POLR2I: variants seen among roughly 807,000 people sequenced by gnomAD.
POLR2I encodes RNA polymerase II subunit I, also known as DNA-directed RNA polymerase II subunit RPB9.
POLR2I carries 15 observed loss-of-function variants against 23.0 expected under a neutral mutation model. The observed-to-expected ratio is 0.65, with a 90% CI of 0.44 to 1.00. POLR2I has a LOEUF of 1.00. POLR2I is among the 50% of genes least tolerant of loss of function. The pLI is 0.00. For synonymous variants in POLR2I, 72 were observed against 65.4 expected, an observed-to-expected ratio of 1.10 and a Z score of -0.49; for missense variants, 120 against 173.7, an observed-to-expected ratio of 0.69 and a Z score of 1.74.
At position 36,114,869 on chromosome 19, in the gene POLR2I, C is replaced by G. The variant is rs528053425; in HGVS notation, c.-13G>C. ...CGTCGGGCTCCATGGCGACGCGCAG[C>G]CCGCGCAGCCCTCCCAGCCTTCCGC... On this transcript the variant is annotated 5_prime_UTR_variant, in exon 1 of 6. Coordinates refer to ENST00000221859, the MANE Select transcript of POLR2I (RefSeq NM_006233.5). This position sits in a 1 kb window ranked among gnomAD's most constrained non-coding sequence, Gnocchi z 4.5. 3 of 1,612,342 alleles carry G rather than the reference C, an allele frequency of 1.9e-6. No homozygotes were observed. The highest frequency in any genetic ancestry group is 1.7e-5 in the Admixed American group (1 of 59,998).
In POLR2I at chr19:36,114,426, A is replaced by C; in HGVS notation, c.115-14T>G. 6.2e-7 allele frequency: 1 copy of C among 1,612,270 alleles called. No individual in the cohort carries two copies. The highest frequency in any genetic ancestry group is 8.5e-7 in the Non-Finnish European group (1 of 1,178,648). ...ACAGTTCCGGCACTACGAGAGGGCG[A>C]GTGTGGGGGAAAGGGGGTCACGGAA... On this transcript the variant is annotated splice_polypyrimidine_tract_variant and intron_variant, in intron 2 of 5. Transcript: ENST00000221859. This position sits in a 1 kb window ranked among gnomAD's most constrained non-coding sequence, Gnocchi z 4.5.
In POLR2I at chr19:36,114,771, T is replaced by C; in HGVS notation, c.59+27A>G. The C allele has an allele frequency of 3.7e-6, 6 of 1,614,102 alleles. No individual in the cohort carries two copies. The highest frequency in any genetic ancestry group is 5.1e-6 in the Non-Finnish European group (6 of 1,179,924). Reference sequence around the variant, plus strand: ...CTGGAGCCATTCCTCGCCCGCCTTCTAACATCACCCGCTCCCTCCGCCTCA... The same window carrying C: ...CTGGAGCCATTCCTCGCCCGCCTTCCAACATCACCCGCTCCCTCCGCCTCA... On this transcript the variant is annotated intron_variant, in intron 1 of 5. Transcript: ENST00000221859. This position sits in a 1 kb window ranked among gnomAD's most constrained non-coding sequence, Gnocchi z 4.5.
At position 36,114,163 on chromosome 19, in the gene POLR2I, A is replaced by T; in HGVS notation, c.263+14T>A. 1 of 1,613,994 alleles carries T rather than the reference A, an allele frequency of 6.2e-7. No individual in the cohort carries two copies. The highest frequency in any genetic ancestry group is 1.1e-5 in the South Asian group (1 of 91,084). ...AGCCTCACTTTACCTCCCCAGTACC[A>T]GCTGAACGCTCACTTTTGGCACGGG... On this transcript the variant is annotated intron_variant, in intron 4 of 5. Coordinates refer to ENST00000221859, the MANE Select transcript of POLR2I (RefSeq NM_006233.5). This position sits in a 1 kb window ranked among gnomAD's most constrained non-coding sequence, Gnocchi z 4.5.
At chr19:36,113,945 C>G in intron 5 of POLR2I, 70 bp downstream of exon 5, 1 of 1,586,362 alleles carries the variant, frequency 6.3e-7, no homozygotes, top group African/African-American at 1.3e-5. Context: ...GGGTCACCCA[C>G]ATTGATATCC....
Position 36,114,479 on chromosome 19 carries a change from G to T in POLR2I, c.115-67C>A. The stretch of plus-strand genomic sequence containing the variant: ...ATTCCAGACAAGATTGGGAGGAGAG[G>T]GCAGGGTGATCCCGGAGGATATGAC... On this transcript the variant is annotated intron_variant, in intron 2 of 5. Coordinates refer to ENST00000221859, the MANE Select transcript of POLR2I (RefSeq NM_006233.5). The surrounding 1 kb of genome is among the most constrained non-coding windows in gnomAD (Gnocchi z 4.5). The T allele has an allele frequency of 6.8e-7, 1 of 1,476,564 alleles. No homozygotes were observed. Among genetic ancestry groups the T allele is most frequent in the South Asian group, 1.1e-5 (1 of 88,316 alleles). The allele number at this position is 1,476,564 out of a possible 1,614,324, so 91.5% of individuals were successfully genotyped here. A position where few individuals can be genotyped will look rare whatever the true frequency, so the allele number is the denominator to read the frequency against.
chr19:36,114,114 C>T lies in POLR2I; in HGVS notation c.264-48G>A, dbSNP rs1413803469. 6.2e-6 allele frequency: 10 copies of T among 1,613,628 alleles called. No individual in the cohort carries two copies. The highest frequency in any genetic ancestry group is 7.6e-6 in the Non-Finnish European group (9 of 1,179,608). ...ACCGGAGGCTTCACACCCTTCCCTC[C>T]TCCCTTCGCCCAGTGAGGAGACGAG... is the stretch of plus-strand genomic sequence containing the variant. On this transcript the variant is annotated intron_variant, in intron 4 of 5. Coordinates refer to ENST00000221859, the MANE Select transcript of POLR2I (RefSeq NM_006233.5). This position sits in a 1 kb window ranked among gnomAD's most constrained non-coding sequence, Gnocchi z 4.5.
At position 36,114,778 on chromosome 19, in the gene POLR2I, A is replaced by G. The variant is rs1599861013; in HGVS notation, c.59+20T>C. ...CATTCCTCGCCCGCCTTCTAACATC[A>G]CCCGCTCCCTCCGCCTCACCATTCC... On this transcript the variant is annotated intron_variant, in intron 1 of 5. Coordinates refer to ENST00000221859, the MANE Select transcript of POLR2I (RefSeq NM_006233.5). The surrounding 1 kb of genome is among the most constrained non-coding windows in gnomAD (Gnocchi z 4.5). The G allele has an allele frequency of 1.2e-6, 2 of 1,613,730 alleles. No individual in the cohort carries two copies. Among genetic ancestry groups the G allele is most frequent in the South Asian group, 1.1e-5 (1 of 91,074 alleles).
rs1001171651 is a variant in POLR2I at position 36,114,324 on chromosome 19, G to A, written c.188+15C>T. The A allele has an allele frequency of 6.2e-7, 1 of 1,613,924 alleles. No homozygotes were observed. Among genetic ancestry groups the A allele is most frequent in the Non-Finnish European group, 8.5e-7 (1 of 1,179,908 alleles). Reference sequence around the variant, plus strand: ...AGCCAACACCCCCGCCCCCAGCTCAGGGCCCGCCACTCACTCCACTTCGTG... The same window carrying A: ...AGCCAACACCCCCGCCCCCAGCTCAAGGCCCGCCACTCACTCCACTTCGTG... On this transcript the variant is annotated intron_variant, in intron 3 of 5. Coordinates refer to ENST00000221859, the MANE Select transcript of POLR2I (RefSeq NM_006233.5). The surrounding 1 kb of genome is among the most constrained non-coding windows in gnomAD (Gnocchi z 4.5).
In POLR2I at chr19:36,114,767, C is replaced by T. The variant is rs763602355; in HGVS notation, c.59+31G>A. ...AGTTCTGGAGCCATTCCTCGCCCGC[C>T]TTCTAACATCACCCGCTCCCTCCGC... is the stretch of plus-strand genomic sequence containing the variant. On this transcript the variant is annotated intron_variant, in intron 1 of 5. Transcript: ENST00000221859. This position sits in a 1 kb window ranked among gnomAD's most constrained non-coding sequence, Gnocchi z 4.5. 22 of 1,613,966 alleles carry T rather than the reference C, an allele frequency of 1.4e-5. No homozygotes were observed. The highest frequency in any genetic ancestry group is 1.7e-5 in the Non-Finnish European group (20 of 1,179,916).
At position 36,114,472 on chromosome 19, in the gene POLR2I, A is replaced by G. The variant is rs942254582; in HGVS notation, c.115-60T>C. 2.0e-6 allele frequency: 3 copies of G among 1,502,300 alleles called. No individual in the cohort carries two copies. In the African/African-American group the frequency reaches 4.1e-5, roughly 21 times the overall value. The allele number at this position is 1,502,300 out of a possible 1,614,324, so 93.1% of individuals were successfully genotyped here. Reference sequence around the variant, plus strand: ...CGGAAGGATTCCAGACAAGATTGGGAGGAGAGGGCAGGGTGATCCCGGAGG... The same window carrying G: ...CGGAAGGATTCCAGACAAGATTGGGGGGAGAGGGCAGGGTGATCCCGGAGG... On this transcript the variant is annotated intron_variant, in intron 2 of 5. Transcript: ENST00000221859. This position sits in a 1 kb window ranked among gnomAD's most constrained non-coding sequence, Gnocchi z 4.5.
Position 36,114,049 on chromosome 19 carries a change from G to T in POLR2I, c.281C>A (p.Ala94Asp), listed in dbSNP as rs1411837649. ...CGCACTGTGTGACTGGAAGAACACAGCCTCCTTGTGGCCGCACCTGAGAGG... is the reference window on the plus strand; with the variant it reads ...CGCACTGTGTGACTGGAAGAACACATCCTCCTTGTGGCCGCACCTGAGAGG... ...HPCQKCGHKE[A>D]VFFQSHSARA... Residue 94 changes from alanine to aspartate, a missense_variant, in exon 5 of 6, where the codon GCT becomes GAT. By Grantham distance (126) the Ala-to-Asp change is moderately radical. Coordinates refer to ENST00000221859, the MANE Select transcript of POLR2I (RefSeq NM_006233.5). The surrounding 1 kb of genome is among the most constrained non-coding windows in gnomAD (Gnocchi z 4.5). 6.2e-7 allele frequency: 1 copy of T among 1,614,048 alleles called. No individual in the cohort carries two copies. The highest frequency in any genetic ancestry group is 1.1e-5 in the South Asian group (1 of 91,084).
chr19:36,114,152 T>TC lies in POLR2I; in HGVS notation c.263+24dup, dbSNP rs775136724. The stretch of plus-strand genomic sequence containing the variant: ...GTGAGGAGACGAGCCTCACTTTACC[T>TC]CCCCAGTACCAGCTGAACGCTCACT... On this transcript the variant is annotated intron_variant, in intron 4 of 5. Coordinates refer to ENST00000221859, the MANE Select transcript of POLR2I (RefSeq NM_006233.5). This position sits in a 1 kb window ranked among gnomAD's most constrained non-coding sequence, Gnocchi z 4.5. 3 of 1,613,634 alleles carry TC rather than the reference T, an allele frequency of 1.9e-6. No homozygotes were observed. The highest frequency in any genetic ancestry group is 2.5e-6 in the Non-Finnish European group (3 of 1,179,844).
chr19:36,113,738 T>C lies in POLR2I; in HGVS notation c.*17A>G, dbSNP rs747018552. 1 of 1,612,506 alleles carries C rather than the reference T, an allele frequency of 6.2e-7. No individual in the cohort carries two copies. The highest frequency in any genetic ancestry group is 8.5e-7 in the Non-Finnish European group (1 of 1,179,382). ...GCATGGAATCTGGTGTTTATTACAC[T>C]CGGGGGAGAGAGGAGGTCACTCGGT... On this transcript the variant is annotated 3_prime_UTR_variant, in exon 6 of 6. Coordinates refer to ENST00000221859, the MANE Select transcript of POLR2I (RefSeq NM_006233.5).
In POLR2I at chr19:36,114,668, C is replaced by A. The variant is rs750122644; in HGVS notation, c.105G>T (p.Leu35=). The A allele has an allele frequency of 2.5e-6, 4 of 1,609,446 alleles. No homozygotes were observed. The South Asian group carries it at 3.3e-5, about 13-fold the overall frequency. ...YPKEDKENRI[L]LYACRNCDYQ... is the part of the protein sequence containing the mutation. Reference sequence around the variant, plus strand: ...AGACCCCGGCGCTCACCGCGTAGAGCAGAATGCGGTTCTCCTTGTCTTCCT... The same window carrying A: ...AGACCCCGGCGCTCACCGCGTAGAGAAGAATGCGGTTCTCCTTGTCTTCCT... The change falls in exon 2 of 6, where the codon CTG becomes CTT. Residue 35 remains leucine (L), a synonymous_variant. Transcript: ENST00000221859. The surrounding 1 kb of genome is among the most constrained non-coding windows in gnomAD (Gnocchi z 4.5).
At chr19:36,113,867 T>C (rs746063380) in intron 5 of POLR2I, 50 bp from the exon 6 acceptor site, 1 of 1,603,980 alleles carries the variant, frequency 6.2e-7, no homozygotes, top group Non-Finnish European at 8.5e-7. Context: ...AGCAGCGCCT[T>C]ACCCCAAAAG....
At position 36,114,103 on chromosome 19, in the gene POLR2I, A is replaced by G. The variant is rs781266877; in HGVS notation, c.264-37T>C. On this transcript the variant is annotated intron_variant, in intron 4 of 5. Transcript: ENST00000221859. This position sits in a 1 kb window ranked among gnomAD's most constrained non-coding sequence, Gnocchi z 4.5. The stretch of plus-strand genomic sequence containing the variant: ...GGGGCTCGGTCACCGGAGGCTTCAC[A>G]CCCTTCCCTCCTCCCTTCGCCCAGT... The G allele has an allele frequency of 6.2e-7, 1 of 1,613,002 alleles. No individual in the cohort carries two copies. The highest frequency in any genetic ancestry group is 8.5e-7 in the Non-Finnish European group (1 of 1,179,490).
Position 36,113,796 on chromosome 19 carries a change from C to T in POLR2I, c.337G>A (p.Val113Met). 1 of 1,613,102 alleles carries T rather than the reference C, an allele frequency of 6.2e-7. No individual in the cohort carries two copies. Among genetic ancestry groups the T allele is most frequent in the Non-Finnish European group, 8.5e-7 (1 of 1,179,936 alleles). ...TGGCCGCAGTGTGGGGCTGTGCACA[C>T]GTAGTAAAGGCGCATGGCGTCCTGG... ...RAEDAMRLYY[V>M]CTAPHCGHRW... The change falls in exon 6 of 6, where the codon GTG (valine) becomes ATG (methionine). Residue 113 changes from valine to methionine, a missense_variant. By Grantham distance (21) the Val-to-Met change is conservative. Transcript: ENST00000221859.
In POLR2I at chr19:36,114,505, G is replaced by A. The variant is rs867826659; in HGVS notation, c.115-93C>T. On this transcript the variant is annotated intron_variant, in intron 2 of 5. Transcript: ENST00000221859. The surrounding 1 kb of genome is among the most constrained non-coding windows in gnomAD (Gnocchi z 4.5). ...GCAGGGTGATCCCGGAGGATATGAC[G>A]ACAGGACTCTCTTTGGGGATGGGCA... 3 of 1,364,344 alleles carry A rather than the reference G, an allele frequency of 2.2e-6. No homozygotes were observed. Among genetic ancestry groups the A allele is most frequent in the Non-Finnish European group, 3.1e-6 (3 of 959,198 alleles). The allele number at this position is 1,364,344 out of a possible 1,614,324, so 84.5% of individuals were successfully genotyped here. A position where few individuals can be genotyped will look rare whatever the true frequency, so the allele number is the denominator to read the frequency against.
Position 36,114,486 on chromosome 19 carries a change from T to A in POLR2I, c.115-74A>T. ...ACAAGATTGGGAGGAGAGGGCAGGG[T>A]GATCCCGGAGGATATGACGACAGGA... On this transcript the variant is annotated intron_variant, in intron 2 of 5. Coordinates refer to ENST00000221859, the MANE Select transcript of POLR2I (RefSeq NM_006233.5). This position sits in a 1 kb window ranked among gnomAD's most constrained non-coding sequence, Gnocchi z 4.5. 6.9e-7 allele frequency: 1 copy of A among 1,451,652 alleles called. No individual in the cohort carries two copies. The highest frequency in any genetic ancestry group is 1.7e-5 in the Admixed American group (1 of 58,864). The allele number at this position is 1,451,652 out of a possible 1,614,324, so 89.9% of individuals were successfully genotyped here.
Sources: allele counts gnomAD v4.1 joint callset, GRCh38; gene constraint gnomAD v4.1.1; non-coding constraint Gnocchi (gnomAD v3.1); transcripts MANE v1.5; gene names NCBI Gene and HGNC (gene_info 2026-07-23, HGNC 2026-07-21).